The following PLCD4 variants were observed in gnomAD, a reference collection of about 807,000 sequenced individuals.
PLCD4 encodes the protein phospholipase C delta 4.
In PLCD4, 63 loss-of-function variants were observed where a neutral mutation model predicts 90.2. That is an observed-to-expected ratio of 0.70 (90% CI 0.57 to 0.86). The LOEUF (loss-of-function observed/expected upper bound fraction) is 0.86, where lower values mean the gene tolerates loss of function less well. Ranked by LOEUF, PLCD4 falls within the 40% of genes least tolerant of loss-of-function variation. The pLI is 0.00. For missense variants in PLCD4, 830 were observed against 956.3 expected (o/e 0.87, Z 1.74); for synonymous variants, 294 against 356.5 (o/e 0.82, Z 1.97).
intron 11 of PLCD4, 56 bp downstream of exon 11, chr2:218,633,817 G>A (rs746703087): frequency 1.9e-6 from 3 of 1,589,026 alleles, no homozygotes; most frequent in South Asian, 1.1e-5. Context: ...GTTCAGGCCT[G>A]ATGGACTGGC....
intron 14 of PLCD4, 141 bp from the exon 15 acceptor site, chr2:218,636,102 A>G: frequency 1.5e-6 from 2 of 1,368,260 alleles, no homozygotes; most frequent in Non-Finnish European, 2.0e-6. Context: ...TGACCTGGGC[A>G]AATTACTTGC....
intron 6 of PLCD4, among the ~76,000 whole-genome samples, chr2:218,623,906 C>T (rs970254248): frequency 5.9e-5 from 9 of 152,340 alleles, no homozygotes; most frequent in Non-Finnish European, 1.0e-4. Context: ...TGGTCTCGAA[C>T]TCCCGACCTC....
chr2:218,618,387 G>A (rs976379479), intron 3 of PLCD4, among the ~76,000 whole-genome samples, 192 bp from the exon 4 acceptor site: 1 of 152,194 alleles, frequency 6.6e-6, no homozygotes, highest in Non-Finnish European at 1.5e-5. Flanking sequence ...GAAAACATCA[G>A]TGATTCATGT....
At chr2:218,624,900 C>T (rs1696038748) in intron 6 of PLCD4, among the ~76,000 whole-genome samples, 1 of 151,582 alleles carries the variant, frequency 6.6e-6, no homozygotes, top group South Asian at 2.1e-4. Context: ...CACCTGAGGT[C>T]AGGAGTTTGA....
rs532508813 is a variant in PLCD4, at chr2:218,634,042, T to C, written c.1607-63T>C. On this transcript the variant is annotated intron_variant, in intron 11 of 15. Coordinates refer to ENST00000450993, the MANE Select transcript of PLCD4 (RefSeq NM_032726.4). This position sits in a 1 kb window ranked among gnomAD's most constrained non-coding sequence, Gnocchi z 4.0. ...GAAGGGTGAAGAGTAGGCATGGTCC[T>C]TGGGACTAGGGAAGTGGGAGATTCC... 9.5e-4 allele frequency: 1,479 copies of C among 1,549,134 alleles called. 6 individuals carry two copies. The Middle Eastern group carries it at 9.9e-3, about 10-fold the overall frequency.
intron 1 of PLCD4, among the ~76,000 whole-genome samples, chr2:218,615,494 G>C (rs1184448244): frequency 6.6e-6 from 1 of 152,188 alleles, no homozygotes; most frequent in Non-Finnish European, 1.5e-5. Context: ...GGAATCTTTG[G>C]TTTACCCTTC....
At chr2:218,611,194 CAT>C (rs979195524) in intron 1 of PLCD4, among the ~76,000 whole-genome samples, 2 of 152,114 alleles carry the variant, frequency 1.3e-5, no homozygotes, top group Non-Finnish European at 2.9e-5. Flanking sequence ...CTTATGACCA[CAT>C]GTCAGTCATG....
intron 1 of PLCD4, among the ~76,000 whole-genome samples, chr2:218,614,915 C>G (rs1221163637): frequency 6.6e-6 from 1 of 151,926 alleles, no homozygotes; most frequent in Non-Finnish European, 1.5e-5. Context: ...AAGAAGACAA[C>G]TAAGTATTGT....
At chr2:218,615,350 A>G (rs1275111974) in intron 1 of PLCD4, among the ~76,000 whole-genome samples, 1 of 152,228 alleles carries the variant, frequency 6.6e-6, no homozygotes. Context: ...TGAGAAGGCT[A>G]GGGTGTGAAG....
chr2:218,633,490 G>A, intron 10 of PLCD4, 115 bp from the exon 11 acceptor site: 1 of 1,239,210 alleles, frequency 8.1e-7, no homozygotes, highest in Non-Finnish European at 1.2e-6. Context: ...AGGTGAGGCA[G>A]GAGGGAGAAT....
At position 218,630,731 on chromosome 2, in the gene PLCD4, G is replaced by A. The variant is rs1696324374; in HGVS notation, c.1201G>A (p.Glu401Lys). Residue 401 changes from glutamate to lysine, a missense_variant, in exon 9 of 16, where the codon GAG becomes AAG. Glu to Lys is a moderately conservative substitution (Grantham distance 56). Coordinates refer to ENST00000450993, the MANE Select transcript of PLCD4 (RefSeq NM_032726.4). Reference sequence around the variant, plus strand: ...GCAGACCATGGCCCGTCATCTGACTGAGATCCTGGGGGAGCAGCTGCTGAG... The same window carrying A: ...GCAGACCATGGCCCGTCATCTGACTAAGATCCTGGGGGAGCAGCTGCTGAG... ...QQQTMARHLT[E>K]ILGEQLLSTT... 1.2e-6 allele frequency: 2 copies of A among 1,614,038 alleles called. No homozygotes were observed. Among genetic ancestry groups the A allele is most frequent in the Middle Eastern group, 1.6e-4 (1 of 6,062 alleles).
chr2:218,636,182 A>T, intron 14 of PLCD4, 61 bp from the exon 15 acceptor site: 1 of 1,559,218 alleles, frequency 6.4e-7, no homozygotes, highest in Non-Finnish European at 8.8e-7. Context: ...ACACAAGAAA[A>T]GCAACCCAGT....
chr2:218,608,634 G>A (rs138900146), intron 1 of PLCD4, among the ~76,000 whole-genome samples: 1 of 152,250 alleles, frequency 6.6e-6, no homozygotes, highest in East Asian at 1.9e-4. Context: ...TACGGGACCT[G>A]GAGCCACAAC....
At chr2:218,626,644 T>C (rs993845858) in intron 6 of PLCD4, among the ~76,000 whole-genome samples, 3 of 152,180 alleles carry the variant, frequency 2.0e-5, no homozygotes, top group African/African-American at 7.2e-5. Flanking sequence ...TTGTTGTTGT[T>C]GTATAAAGCC....
intron 8 of PLCD4, 129 bp from the exon 9 acceptor site, chr2:218,630,521 T>C: frequency 9.4e-7 from 1 of 1,058,844 alleles, no homozygotes; most frequent in Non-Finnish European, 1.4e-6. Flanking sequence ...ATAATGGAGT[T>C]GGAAGAGTTT....
chr2:218,626,681 AAGGACTAAC>A (rs1405264516), intron 6 of PLCD4, among the ~76,000 whole-genome samples: 1 of 152,196 alleles, frequency 6.6e-6, no homozygotes, highest in Non-Finnish European at 1.5e-5. Context: ...GGAGCTATGG[AAGGACTAAC>A]AGGGCCCTTT....
intron 6 of PLCD4, among the ~76,000 whole-genome samples, chr2:218,625,485 C>T (rs1043828507): frequency 6.6e-6 from 1 of 152,224 alleles, no homozygotes; most frequent in African/African-American, 2.4e-5. Flanking sequence ...GCTCAGGTCT[C>T]CACTGTGTTT....
intron 5 of PLCD4, chr2:218,622,079 C>CAAAAAAAAAAAA (rs35127247): frequency 1.2e-5 from 1 of 85,992 alleles, no homozygotes; most frequent in African/African-American, 4.5e-5. Context: ...GACTCTGTCT[C>CAAAAAAAAAAAA]AAAAAAAAAA....
intron 9 of PLCD4, among the ~76,000 whole-genome samples, chr2:218,631,400 G>A (rs1184729161): frequency 6.6e-6 from 1 of 152,056 alleles, no homozygotes; most frequent in African/African-American, 2.4e-5. Flanking sequence ...CTGACCTCAC[G>A]TGATCCACCC....
Sources: allele counts gnomAD v4.1 joint callset (sites outside exome capture counted in the v4.1 genomes callset), GRCh38; gene constraint gnomAD v4.1.1; non-coding constraint Gnocchi (gnomAD v3.1); transcripts MANE v1.5; gene names NCBI Gene and HGNC (gene_info 2026-07-23, HGNC 2026-07-21).